PDE8B: variants seen among roughly 807,000 people sequenced by gnomAD.
The protein encoded by PDE8B is high affinity cAMP-specific and IBMX-insensitive 3',5'-cyclic phosphodiesterase 8B.
A neutral mutation model predicts 101.3 loss-of-function variants in PDE8B; 26 were observed. The ratio of observed to expected loss-of-function variants is 0.26; its 90% CI spans 0.19 to 0.36. The LOEUF is 0.36. Among genes scored for constraint, PDE8B ranks in the 10% least tolerant of loss-of-function variants. The pLI is 1.00. For missense variants in PDE8B, 810 were observed against 1,163.1 expected (o/e 0.70, Z 4.42); for synonymous variants, 424 against 429.3 (o/e 0.99, Z 0.15).
chr5:77,331,803 A>C (rs1434123699), intron 5 of PDE8B, among the ~76,000 whole-genome samples: 1 of 152,240 alleles, frequency 6.6e-6, no homozygotes, highest in Non-Finnish European at 1.5e-5. Flanking sequence ...GTGTGTGATC[A>C]TACATAGATA....
At chr5:77,151,470 G>C in the PDE8B span, 1 of 152,160 alleles carries the variant, frequency 6.6e-6, no homozygotes, top group African/African-American at 2.4e-5. Context: ...CATAAGCAGT[G>C]GTTGAATGTT....
upstream of PDE8B, among the ~76,000 whole-genome samples, chr5:77,208,843 A>C (rs1159460465): frequency 1.3e-5 from 2 of 152,140 alleles, no homozygotes; most frequent in African/African-American, 4.8e-5. Flanking sequence ...CTGGGGTATA[A>C]AGGCCCACCA....
the PDE8B span, among the ~76,000 whole-genome samples, chr5:77,157,261 T>C: frequency 6.6e-6 from 1 of 152,276 alleles, no homozygotes; most frequent in Non-Finnish European, 1.5e-5. Context: ...GGGTAACTCA[T>C]ACTTGAACTG....
At chr5:77,290,586 G>A (rs1239368924) in intron 1 of PDE8B, 1 of 1,503,996 alleles carries the variant, frequency 6.6e-7, no homozygotes, top group Non-Finnish European at 9.2e-7. Context: ...GGTGTCTTTG[G>A]AGATGGGGAA....
At chr5:77,205,401 A>G in the PDE8B span, among the ~76,000 whole-genome samples, 1 of 152,226 alleles carries the variant, frequency 6.6e-6, no homozygotes, top group Non-Finnish European at 1.5e-5. Context: ...CTATTTCACC[A>G]TGAAAGTGGC....
At chr5:77,130,744 A>G in the PDE8B span, among the ~76,000 whole-genome samples, 2 of 152,218 alleles carry the variant, frequency 1.3e-5, no homozygotes, top group Non-Finnish European at 2.9e-5. Flanking sequence ...ATACTTTTAC[A>G]TGAGTTGGGT....
intron 10 of PDE8B, among the ~76,000 whole-genome samples, chr5:77,381,674 A>G (rs1469524499): frequency 1.3e-5 from 2 of 152,084 alleles, no homozygotes; most frequent in African/African-American, 4.8e-5. Context: ...GGATGTTTTC[A>G]TATTGTTTTT....
chr5:77,402,140 G>T (rs1236753892), intron 11 of PDE8B, among the ~76,000 whole-genome samples: 1 of 152,110 alleles, frequency 6.6e-6, no homozygotes, highest in Non-Finnish European at 1.5e-5. Flanking sequence ...TGAGGTCCCT[G>T]AATAGGCTAA....
At chr5:77,386,031 C>T (rs190877144) in intron 10 of PDE8B, among the ~76,000 whole-genome samples, 3 of 152,282 alleles carry the variant, frequency 2.0e-5, no homozygotes, top group Non-Finnish European at 4.4e-5. Flanking sequence ...TTGTTATCCA[C>T]CTGCCTTGGC....
rs1308960221 is a variant in PDE8B at position 77,332,842 on chromosome 5, A to G, written c.708+1383A>G. Among the ~76,000 whole-genome samples, 843 of 151,054 alleles carry G rather than the reference A, an allele frequency of 5.6e-3. 4 individuals are homozygous for G. The highest frequency in any genetic ancestry group is 0.01 in the Middle Eastern group (3 of 290). ...AGAAGAGTAAAACTCCGTCTCAAAAAAAAAAAAAAAAAGAGTAATCTGAAT... is the reference window on the plus strand; with the variant it reads ...AGAAGAGTAAAACTCCGTCTCAAAAGAAAAAAAAAAAAGAGTAATCTGAAT... On this transcript the variant is annotated intron_variant, in intron 5 of 21. Transcript: ENST00000264917.
chr5:77,166,543 A>C, the PDE8B span: 2 of 152,244 alleles, frequency 1.3e-5, no homozygotes, highest in Non-Finnish European at 2.9e-5. Context: ...AATGACGCCT[A>C]TCTAAGGCCA....
At chr5:77,410,231 T>C (rs1044541242) in intron 14 of PDE8B, among the ~76,000 whole-genome samples, 2 of 152,270 alleles carry the variant, frequency 1.3e-5, no homozygotes, top group African/African-American at 4.8e-5. Context: ...AGAGCGGGGC[T>C]ACCCCATGGG....
intron 20 of PDE8B, among the ~76,000 whole-genome samples, chr5:77,422,457 C>A (rs1194434965): frequency 6.6e-6 from 1 of 152,088 alleles, no homozygotes; most frequent in Non-Finnish European, 1.5e-5. Flanking sequence ...TTAAGTGCTA[C>A]AGACGTTCAG....
At chr5:77,193,735 T>C in the PDE8B span, among the ~76,000 whole-genome samples, 1 of 152,202 alleles carries the variant, frequency 6.6e-6, no homozygotes, top group African/African-American at 2.4e-5. Flanking sequence ...GAGATTGTAT[T>C]GAATCTATAG....
intron 1 of PDE8B, among the ~76,000 whole-genome samples, chr5:77,260,213 T>C (rs950071899): frequency 6.6e-6 from 1 of 151,588 alleles, no homozygotes; most frequent in African/African-American, 2.4e-5. Flanking sequence ...CTATCACACT[T>C]AATTGTACTG....
At chr5:77,337,649 A>C (rs1778443133) in intron 6 of PDE8B, among the ~76,000 whole-genome samples, 1 of 152,186 alleles carries the variant, frequency 6.6e-6, no homozygotes. Flanking sequence ...TTCAATATTT[A>C]TACATTTTTA....
At chr5:77,383,045 G>C (rs1381575835) in intron 10 of PDE8B, among the ~76,000 whole-genome samples, 1 of 152,194 alleles carries the variant, frequency 6.6e-6, no homozygotes, top group Non-Finnish European at 1.5e-5. Context: ...CTAGTTTACA[G>C]TCCCACCAAC....
At chr5:77,406,492 C>T (rs1029468892) in intron 12 of PDE8B, among the ~76,000 whole-genome samples, 7 of 152,180 alleles carry the variant, frequency 4.6e-5, no homozygotes, top group Non-Finnish European at 8.8e-5. Context: ...GAACTGGATT[C>T]ACTGTTTTTG....
intron 10 of PDE8B, among the ~76,000 whole-genome samples, chr5:77,360,269 T>TTAAC (rs60199696): frequency 0.84 from 127,777 of 151,762 alleles, 54,285 homozygotes; most frequent in East Asian, 0.97. Flanking sequence ...CCCGATAAGT[T>TTAAC]TAAAATTCCA....
Sources: gnomAD v4.1 joint callset for allele counts (sites outside exome capture counted in the v4.1 genomes callset) on GRCh38, gnomAD v4.1.1 for gene constraint, MANE v1.5 for transcripts, NCBI Gene and HGNC (gene_info 2026-07-23, HGNC 2026-07-21) for gene names.